Variants in UNC13A observed in about 807,000 individuals in gnomAD.
UNC13A encodes protein unc-13 homolog A.
Under a neutral mutation model 219.7 loss-of-function variants are expected in UNC13A, and 61 were observed. That is an observed-to-expected ratio of 0.28 (90% confidence interval 0.23 to 0.34). The LOEUF (loss-of-function observed/expected upper bound fraction) is 0.34. Ranked by LOEUF, UNC13A falls within the 10% of genes least tolerant of loss-of-function variation. UNC13A has a pLI of 1.00. For synonymous variants in UNC13A, 920 were observed against 884.6 expected (o/e 1.04, Z -0.71); for missense variants, 1,476 against 2,270.3 (o/e 0.65, Z 7.11).
chr19:17,658,206 C>A lies in UNC13A; in HGVS notation c.623G>T (p.Ser208Ile). 1 of 1,613,948 alleles carries A rather than the reference C, an allele frequency of 6.2e-7. No homozygotes were observed. Among genetic ancestry groups the A allele is most frequent in the Non-Finnish European group, 8.5e-7 (1 of 1,179,878 alleles). Reference protein sequence around the residue: ...DSDYRSETSNSIPPPYYTTSQ... With the variant: ...DSDYRSETSNIIPPPYYTTSQ... ...CGTAGTATAATAGGGCGGCGGGATG[C>A]TGTTGCTCGTTTCACTGCGGTAGTC... The change falls in exon 9 of 44, where the codon AGC (serine) becomes ATC (isoleucine). Residue 208 changes from serine (S) to isoleucine (I), a missense_variant. Coordinates refer to ENST00000519716, the MANE Select transcript of UNC13A (RefSeq NM_001080421.3).
chr19:17,602,099 G>A lies in UNC13A; in HGVS notation c.*3955C>T, dbSNP rs537299040. ...GTTTAGTTTTTTGCATCTCTGATGGGGGCATGGTGAGGTCTCAGGCTCTGG... is the reference window on the plus strand; with the variant it reads ...GTTTAGTTTTTTGCATCTCTGATGGAGGCATGGTGAGGTCTCAGGCTCTGG... On this transcript the variant is annotated 3_prime_UTR_variant, in exon 44 of 44. Transcript: ENST00000519716. 2 of 152,604 alleles carry A rather than the reference G, an allele frequency of 1.3e-5. No individual in the cohort carries two copies. The highest frequency in any genetic ancestry group is 4.8e-5 in the African/African-American group (2 of 41,498). The allele number at this position is 152,604 out of a possible 1,614,324, so 9.5% of individuals were successfully genotyped here. A position where few individuals can be genotyped will look rare whatever the true frequency, so the allele number is the denominator to read the frequency against.
At chr19:17,666,317 A>G (rs1599398848) in intron 7 of UNC13A, among the ~76,000 whole-genome samples, 1 of 151,756 alleles carries the variant, frequency 6.6e-6, no homozygotes, top group Admixed American at 6.6e-5. Context: ...GGTTCAAGCA[A>G]TTCTCCTGCC....
intron 8 of UNC13A, among the ~76,000 whole-genome samples, chr19:17,663,204 T>C (rs866803045): frequency 3.7e-4 from 56 of 151,264 alleles, no homozygotes; most frequent in African/African-American, 1.0e-3. Flanking sequence ...GGAGGTGAGG[T>C]TATACGGCGG....
At chr19:17,630,103 T>C in intron 30 of UNC13A, 42 bp downstream of exon 30, 2 of 1,547,420 alleles carry the variant, frequency 1.3e-6, no homozygotes, top group Admixed American at 2.0e-5. Flanking sequence ...TCCCTAACCC[T>C]GACCCTGTCC....
At position 17,630,592 on chromosome 19, in the gene UNC13A, T is replaced by A. The variant is rs1458068417; in HGVS notation, c.3525+62A>T. Reference sequence around the variant, plus strand: ...AGACTGGCCTCATCTCAAGGGCAAATTTCCACCTAAATTGACCCCAGTGGG... The same window carrying A: ...AGACTGGCCTCATCTCAAGGGCAAAATTCCACCTAAATTGACCCCAGTGGG... On this transcript the variant is annotated intron_variant, in intron 29 of 43. Coordinates refer to ENST00000519716, the MANE Select transcript of UNC13A (RefSeq NM_001080421.3). 3.2e-6 allele frequency: 5 copies of A among 1,577,598 alleles called. No homozygotes were observed. In the Admixed American group the frequency reaches 6.7e-5, roughly 21 times the overall value.
intron 16 of UNC13A, 93 bp downstream of exon 16, chr19:17,648,338 A>C (rs1301766123): frequency 1.8e-3 from 342 of 191,470 alleles, no homozygotes; most frequent in South Asian, 0.014. Flanking sequence ...ATGGTGCCCC[A>C]CCCATCGCCT....
intron 20 of UNC13A, 131 bp downstream of exon 20, chr19:17,642,714 A>G (rs549391383): frequency 1.1e-4 from 83 of 753,570 alleles, no homozygotes; most frequent in Non-Finnish European, 1.7e-4. Flanking sequence ...TTTCCAGGTA[A>G]AGGGAATGGC....
chr19:17,642,730 G>A (rs1368213410), intron 20 of UNC13A, 115 bp downstream of exon 20: 10 of 823,752 alleles, frequency 1.2e-5, no homozygotes, highest in Admixed American at 2.7e-5. Flanking sequence ...ATGGCATGGC[G>A]GGCAGTCTCA....
chr19:17,665,416 T>C (rs2079622643), intron 7 of UNC13A, among the ~76,000 whole-genome samples: 1 of 152,030 alleles, frequency 6.6e-6, no homozygotes, highest in Non-Finnish European at 1.5e-5. Context: ...CATCTGAGTG[T>C]CCACAAGGCC....
At chr19:17,677,509 G>A (rs1486950237) in intron 1 of UNC13A, among the ~76,000 whole-genome samples, 2 of 151,824 alleles carry the variant, frequency 1.3e-5, no homozygotes, top group Non-Finnish European at 2.9e-5. Context: ...GACTACAGGC[G>A]TGCGCCACCA....
Position 17,674,396 on chromosome 19 carries a change from C to T in UNC13A, c.152+261G>A, listed in dbSNP as rs889088112. On this transcript the variant is annotated intron_variant, in intron 3 of 43. Coordinates refer to ENST00000519716, the MANE Select transcript of UNC13A (RefSeq NM_001080421.3). The surrounding 1 kb of genome is among the most constrained non-coding windows in gnomAD (Gnocchi z 5.0). ...ATCCCCCTGGCTGCCTGGAGGAGAA[C>T]AGATTGTAGGAGGTGGATGGCACAG... Among the ~76,000 whole-genome samples, 1 of 152,150 alleles carries T rather than the reference C, an allele frequency of 6.6e-6. No individual in the cohort carries two copies. The highest frequency in any genetic ancestry group is 2.4e-5 in the African/African-American group (1 of 41,448).
rs1420842432 is a variant in UNC13A, at chr19:17,606,300, C to T, written c.4866G>A (p.Lys1622=). 3.2e-6 allele frequency: 5 copies of T among 1,549,944 alleles called. No homozygotes were observed. The highest frequency in any genetic ancestry group is 1.2e-5 in the South Asian group (1 of 84,250). The change falls in exon 44 of 44, where the codon AAG becomes AAA. Residue 1622 remains lysine, a synonymous_variant. Transcript: ENST00000519716. ...PECYELQVCV[K]DYCFAREDRT... Reference sequence around the variant, plus strand: ...GGTCCTCGCGCGCGAAGCAGTAGTCCTTGACGCACACCTGCAGCTCATAGC... The same window carrying T: ...GGTCCTCGCGCGCGAAGCAGTAGTCTTTGACGCACACCTGCAGCTCATAGC...
intron 1 of UNC13A, among the ~76,000 whole-genome samples, chr19:17,681,537 A>G (rs1179312139): frequency 6.6e-6 from 1 of 152,188 alleles, no homozygotes; most frequent in Non-Finnish European, 1.5e-5. Flanking sequence ...CCAGAGCCAG[A>G]CTGAGCCTTC....
Position 17,605,326 on chromosome 19 carries a change from T to C in UNC13A, c.*728A>G, listed in dbSNP as rs1398920085. 1 of 152,768 alleles carries C rather than the reference T, an allele frequency of 6.5e-6. No individual in the cohort carries two copies. Among genetic ancestry groups the C allele is most frequent in the African/African-American group, 2.4e-5 (1 of 41,538 alleles). The allele number at this position is 152,768 out of a possible 1,614,324, so 9.5% of individuals were successfully genotyped here. ...TGTCAAATGGGTGTGTTGAACTCTA[T>C]GATATGAGGACTGGGTTTGTTGGGG... On this transcript the variant is annotated 3_prime_UTR_variant, in exon 44 of 44. Transcript: ENST00000519716.
rs998350900 is a variant in UNC13A at position 17,674,176 on chromosome 19, G to A, written c.152+481C>T. The stretch of plus-strand genomic sequence containing the variant: ...CTGGGGACAGGAGAGCAAGTGCAAG[G>A]GCCCTGGGGCAAGAACAAGCTGGGA... On this transcript the variant is annotated intron_variant, in intron 3 of 43. Transcript: ENST00000519716. The surrounding 1 kb of genome is among the most constrained non-coding windows in gnomAD (Gnocchi z 5.0). Among the ~76,000 whole-genome samples, 3 of 146,182 alleles carry A rather than the reference G, an allele frequency of 2.1e-5. No individual in the cohort carries two copies. The highest frequency in any genetic ancestry group is 5.0e-5 in the African/African-American group (2 of 39,868).
chr19:17,661,215 A>C (rs2079545989), intron 8 of UNC13A, among the ~76,000 whole-genome samples: 1 of 151,606 alleles, frequency 6.6e-6, no homozygotes, highest in South Asian at 2.1e-4. Context: ...TTGGAATTAC[A>C]GGTGTGAGCC....
chr19:17,609,429 C>A (rs11666413), intron 43 of UNC13A, among the ~76,000 whole-genome samples: 33,545 of 151,780 alleles, frequency 0.22, 4,473 homozygotes, highest in Non-Finnish European at 0.31. Context: ...TCCATCTACA[C>A]TCCACTCCTG....
Position 17,674,766 on chromosome 19 carries a change from T to C in UNC13A, c.53-10A>G, listed in dbSNP as rs767608701. ...TACGTGTTGAATTTCTCTGTGGCAGTGAGAGTAGGGGTCAGCGCTGGGGCT... is the reference window on the plus strand; with the variant it reads ...TACGTGTTGAATTTCTCTGTGGCAGCGAGAGTAGGGGTCAGCGCTGGGGCT... On this transcript the variant is annotated splice_polypyrimidine_tract_variant and intron_variant, in intron 2 of 43. Transcript: ENST00000519716. The surrounding 1 kb of genome is among the most constrained non-coding windows in gnomAD (Gnocchi z 5.0). 6.2e-7 allele frequency: 1 copy of C among 1,612,244 alleles called. No individual in the cohort carries two copies.
chr19:17,672,576 AAC>A (rs2079810874), intron 3 of UNC13A, 81 bp from the exon 4 acceptor site: 1 of 1,055,288 alleles, frequency 9.5e-7, no homozygotes, highest in Admixed American at 2.1e-5. Context: ...TTCGCCTGAG[AAC>A]ACACAGCATA....
Sources: gnomAD v4.1 joint callset for allele counts (sites outside exome capture counted in the v4.1 genomes callset) on GRCh38, gnomAD v4.1.1 for gene constraint, Gnocchi (gnomAD v3.1) non-coding constraint, MANE v1.5 for transcripts, NCBI Gene and HGNC (gene_info 2026-07-23, HGNC 2026-07-21) for gene names.